The following FBXO34 variants were observed in gnomAD, a reference collection of about 807,000 sequenced individuals.
FBXO34 encodes the protein F-box only protein 34.
In FBXO34, 12 loss-of-function variants were observed where a neutral mutation model predicts 24.5. The observed-to-expected ratio is 0.49, with a 90% CI of 0.31 to 0.79. The LOEUF (loss-of-function observed/expected upper bound fraction) is 0.79. Among genes scored for constraint, FBXO34 ranks in the 30% least tolerant of loss-of-function variants. The pLI, the probability that FBXO34 is intolerant of heterozygous loss-of-function variation, is 0.04. For missense variants in FBXO34, 823 were observed against 857.7 expected, an observed-to-expected ratio of 0.96 and a Z score of 0.51; for synonymous variants, 320 against 311.9, an observed-to-expected ratio of 1.03 and a Z score of -0.27.
At chr14:55,371,735 C>T (rs1884822730), downstream of FBXO34, among the ~76,000 whole-genome samples, 1 of 152,052 alleles carries the variant, frequency 6.6e-6, no homozygotes, top group African/African-American at 2.4e-5. Context: ...ACCCCAGAGG[C>T]GGAGCTTGCA....
chr14:55,282,834 A>G lies in FBXO34; in HGVS notation c.-11+11297A>G, dbSNP rs953543331. 9.2e-5 allele frequency among the ~76,000 whole-genome samples: 14 copies of G among 152,374 alleles called. No individual in the cohort carries two copies. The South Asian group carries it at 2.3e-3, about 25-fold the overall frequency. Reference sequence around the variant, plus strand: ...AAACTGTAGAATCATTCTTGGAACTACAGAATAGGGAATTATTGATTAGTT... The same window carrying G: ...AAACTGTAGAATCATTCTTGGAACTGCAGAATAGGGAATTATTGATTAGTT... On this transcript the variant is annotated intron_variant, in intron 1 of 1. Transcript: ENST00000313833.
At chr14:55,436,419 A>G in the FBXO34 span, 1 of 800,114 alleles carries the variant, frequency 1.2e-6, no homozygotes, top group East Asian at 2.7e-5. Context: ...TAAAGCCACA[A>G]TCCATTTAGA....
chr14:55,426,277 A>T, the FBXO34 span, among the ~76,000 whole-genome samples: 2 of 149,788 alleles, frequency 1.3e-5, no homozygotes, highest in African/African-American at 5.1e-5. Flanking sequence ...CAAAAAAAAA[A>T]AATAAATAAA....
At chr14:55,440,597 A>G in the FBXO34 span, 1 of 1,514,304 alleles carries the variant, frequency 6.6e-7, no homozygotes, top group South Asian at 1.3e-5. Context: ...AGGTTCCTGC[A>G]GAGGGCGCGA....
At chr14:55,369,472 G>T, downstream of FBXO34, 1 of 746,276 alleles carries the variant, frequency 1.3e-6, no homozygotes, top group Non-Finnish European at 2.0e-6. Context: ...AGAAATGTTT[G>T]TCTCCCTGCT....
At chr14:55,368,422 G>C (rs1457882150), downstream of FBXO34, 1 of 152,150 alleles carries the variant, frequency 6.6e-6, no homozygotes, top group Non-Finnish European at 1.5e-5. Context: ...GTTTCACCAT[G>C]TTAGCCAGGC....
At chr14:55,426,276 A>T in the FBXO34 span, among the ~76,000 whole-genome samples, 2,830 of 151,964 alleles carry the variant, frequency 0.019, 42 homozygotes, top group African/African-American at 0.04. Flanking sequence ...TCAAAAAAAA[A>T]AAATAAATAA....
chr14:55,331,518 G>C (rs778146865), intron 1 of FBXO34, among the ~76,000 whole-genome samples: 23 of 147,414 alleles, frequency 1.6e-4, no homozygotes, highest in Non-Finnish European at 3.3e-4. Context: ...TATTAATTTG[G>C]TTAGAGTTTG....
At chr14:55,395,947 T>C in the FBXO34 span, 7 of 1,593,530 alleles carry the variant, frequency 4.4e-6, no homozygotes, top group Non-Finnish European at 6.0e-6. Flanking sequence ...TACCAACTGA[T>C]CTGTTATCCA....
At chr14:55,311,367 G>A (rs1411410473) in intron 1 of FBXO34, among the ~76,000 whole-genome samples, 2 of 152,206 alleles carry the variant, frequency 1.3e-5, no homozygotes, top group Non-Finnish European at 1.5e-5. Context: ...CAAGATAAGA[G>A]TTGGGTGGGA....
intron 1 of FBXO34, among the ~76,000 whole-genome samples, chr14:55,286,724 T>G (rs1462292746): frequency 6.6e-6 from 1 of 152,170 alleles, no homozygotes; most frequent in Non-Finnish European, 1.5e-5. Flanking sequence ...CCTACAACCC[T>G]GTTCAAAACA....
At chr14:55,348,991 A>T (rs1884251487) in intron 1 of FBXO34, among the ~76,000 whole-genome samples, 1 of 151,990 alleles carries the variant, frequency 6.6e-6, no homozygotes, top group Non-Finnish European at 1.5e-5. Context: ...AGTAGGTGAA[A>T]CTTCACGTGC....
intron 1 of FBXO34, among the ~76,000 whole-genome samples, chr14:55,313,897 A>G (rs1566551472): frequency 6.6e-6 from 1 of 152,104 alleles, no homozygotes; most frequent in Non-Finnish European, 1.5e-5. Context: ...ACCATATCAC[A>G]TATACTAGAA....
the FBXO34 span, chr14:55,414,347 A>C: frequency 2.0e-6 from 3 of 1,520,550 alleles, no homozygotes; most frequent in Non-Finnish European, 2.7e-6. Flanking sequence ...ACATATTCAA[A>C]CCAGAATAAT....
At chr14:55,282,422 G>A in intron 1 of FBXO34, 1 of 278,088 alleles carries the variant, frequency 3.6e-6, no homozygotes, top group Admixed American at 3.3e-5. Context: ...GATAGGCCCT[G>A]CTGACATGTT....
intron 1 of FBXO34, among the ~76,000 whole-genome samples, chr14:55,283,250 A>G (rs554103190): frequency 6.6e-6 from 1 of 150,908 alleles, no homozygotes; most frequent in South Asian, 2.1e-4. Flanking sequence ...TTTACTTAAC[A>G]TAGGCTATGA....
At chr14:55,356,359 T>G (rs1213357071), downstream of FBXO34, among the ~76,000 whole-genome samples, 1 of 152,220 alleles carries the variant, frequency 6.6e-6, no homozygotes, top group Non-Finnish European at 1.5e-5. Flanking sequence ...TGAGAGCTGA[T>G]GTTATCTAGC....
chr14:55,384,576 T>G, the FBXO34 span, among the ~76,000 whole-genome samples: 2 of 152,234 alleles, frequency 1.3e-5, no homozygotes, highest in East Asian at 1.9e-4. Context: ...ATTTGCCAAC[T>G]CTTACTAATG....
the FBXO34 span, among the ~76,000 whole-genome samples, chr14:55,397,844 T>C: frequency 1.3e-5 from 2 of 152,120 alleles, no homozygotes; most frequent in African/African-American, 4.8e-5. Flanking sequence ...TTTTTAAAAA[T>C]TGTAGACTTT....
Sources: allele counts gnomAD v4.1 joint callset (sites outside exome capture counted in the v4.1 genomes callset), GRCh38; gene constraint gnomAD v4.1.1; transcripts MANE v1.5; gene names NCBI Gene and HGNC (gene_info 2026-07-23, HGNC 2026-07-21).